DLC1: variants seen among roughly 807,000 people sequenced by gnomAD.
The protein encoded by DLC1 is rho GTPase-activating protein 7.
Under a neutral mutation model 140.3 loss-of-function variants are expected in DLC1, and 54 were observed. That is an observed-to-expected ratio of 0.38 (90% CI 0.31 to 0.48). The LOEUF (loss-of-function observed/expected upper bound fraction) is 0.48, where lower values mean the gene tolerates loss of function less well. Ranked by LOEUF, DLC1 falls within the 20% of genes least tolerant of loss-of-function variation. The pLI is 0.96. For missense variants in DLC1, 2,536 were observed against 1,907.0 expected (o/e 1.33, Z -6.14); for synonymous variants, 986 against 728.1 (o/e 1.35, Z -5.70).
intron 4 of DLC1, among the ~76,000 whole-genome samples, chr8:13,319,031 G>C (rs1832978060): frequency 6.6e-6 from 1 of 152,186 alleles, no homozygotes; most frequent in Non-Finnish European, 1.5e-5. Flanking sequence ...ACTTAAAATA[G>C]AGCTGGCTTT....
chr8:13,499,841 T>C lies in DLC1; in HGVS notation c.231A>G (p.Pro77=), dbSNP rs745681093. The change falls in exon 2 of 18, where the codon CCA becomes CCG. Residue 77 remains proline, a synonymous_variant. Coordinates refer to ENST00000276297, the MANE Select transcript of DLC1 (RefSeq NM_182643.3). ...GSELRDFPGR[P]MGHLSKDVDE... ...CCACATCCTTTGAAAGATGACCCAT[T>C]GGCCTCCCAGGAAAATCTCTCAGCT... The C allele has an allele frequency of 7.4e-6, 12 of 1,613,986 alleles. No homozygotes were observed. Among genetic ancestry groups the C allele is most frequent in the Non-Finnish European group, 2.5e-6 (3 of 1,180,018 alleles).
chr8:13,375,046 G>C (rs1250397987), intron 4 of DLC1, among the ~76,000 whole-genome samples: 2 of 58,952 alleles, frequency 3.4e-5, no homozygotes, highest in African/African-American at 7.2e-5. Context: ...TTTTTTTTTT[G>C]AGACGGAGTC....
intron 1 of DLC1, among the ~76,000 whole-genome samples, chr8:13,595,838 C>T (rs958800032): frequency 2.6e-5 from 4 of 151,952 alleles, no homozygotes; most frequent in African/African-American, 9.7e-5. Context: ...CAAATGTTAT[C>T]AACCTAAATA....
chr8:13,551,984 TATATATATGTGTGTGTGTGC>T, intron 1 of DLC1, among the ~76,000 whole-genome samples: 1 of 146,134 alleles, frequency 6.8e-6, no homozygotes, highest in South Asian at 2.1e-4. Flanking sequence ...TGTGTGTGTG[TATATATATGTGTGTGTGTGC>T]ATATATATGT....
intron 5 of DLC1, among the ~76,000 whole-genome samples, chr8:13,160,784 G>C (rs982294451): frequency 6.6e-6 from 1 of 152,152 alleles, no homozygotes; most frequent in African/African-American, 2.4e-5. Flanking sequence ...GTGGGGATCA[G>C]GATAGATTTA....
intron 2 of DLC1, among the ~76,000 whole-genome samples, chr8:13,423,943 T>A (rs1374844028): frequency 6.6e-6 from 1 of 152,234 alleles, no homozygotes; most frequent in Non-Finnish European, 1.5e-5. Context: ...GATCTCATTA[T>A]TTTTAAGATT....
chr8:13,489,674 T>A (rs746827463), intron 2 of DLC1, among the ~76,000 whole-genome samples: 5 of 152,180 alleles, frequency 3.3e-5, no homozygotes, highest in African/African-American at 1.2e-4. Flanking sequence ...CCAGGCAGTT[T>A]GGCTTCAGAG....
At chr8:13,214,340 C>A (rs1182541422) in intron 5 of DLC1, 5 of 306,252 alleles carry the variant, frequency 1.6e-5, no homozygotes, top group African/African-American at 4.3e-5. Flanking sequence ...TTCCCGGGTT[C>A]TTTAGGAAAG....
chr8:13,546,121 G>A (rs538658631), intron 1 of DLC1, among the ~76,000 whole-genome samples: 1 of 151,978 alleles, frequency 6.6e-6, no homozygotes, highest in Non-Finnish European at 1.5e-5. Flanking sequence ...TCTTGTAAGG[G>A]ATATGCTATT....
chr8:13,127,072 A>T (rs550408843), intron 5 of DLC1, among the ~76,000 whole-genome samples: 1 of 152,356 alleles, frequency 6.6e-6, no homozygotes, highest in Admixed American at 6.5e-5. Context: ...AACACTATTC[A>T]ACTAGACGTT....
intron 1 of DLC1, among the ~76,000 whole-genome samples, chr8:13,550,859 C>A (rs1803820733): frequency 6.6e-6 from 1 of 151,836 alleles, no homozygotes; most frequent in African/African-American, 2.4e-5. Flanking sequence ...GAACAGTAGC[C>A]CTTAATGGTG....
intron 5 of DLC1, among the ~76,000 whole-genome samples, chr8:13,155,645 G>T (rs983580588): frequency 6.6e-6 from 1 of 151,990 alleles, no homozygotes; most frequent in Admixed American, 6.5e-5. Flanking sequence ...ATATTAAGTT[G>T]CAATTTGAGG....
At chr8:13,455,207 G>A (rs1799328615) in intron 2 of DLC1, among the ~76,000 whole-genome samples, 1 of 152,048 alleles carries the variant, frequency 6.6e-6, no homozygotes. Flanking sequence ...TTTGATAAAG[G>A]GAAAAAGGTA....
chr8:13,601,153 TACTC>T (rs1805869228), intron 1 of DLC1, among the ~76,000 whole-genome samples: 1 of 151,762 alleles, frequency 6.6e-6, no homozygotes, highest in Non-Finnish European at 1.5e-5. Context: ...TCTAACATAA[TACTC>T]AGTCTGCGGT....
In DLC1 at chr8:13,313,985, A is replaced by C. The variant is rs113131719; in HGVS notation, c.1315-8683T>G. On this transcript the variant is annotated intron_variant, in intron 4 of 17. Coordinates refer to ENST00000276297, the MANE Select transcript of DLC1 (RefSeq NM_182643.3). ...CAGAGGAGCAGACTCCCATTTCTGT[A>C]CGTCTTGGAGCAGCAGGACCTGAGG... Among the ~76,000 whole-genome samples, 1,286 of 152,142 alleles carry C rather than the reference A, an allele frequency of 8.5e-3. 23 individuals are homozygous for C. Among genetic ancestry groups the C allele is most frequent in the African/African-American group, 0.03 (1,242 of 41,524 alleles).
At chr8:13,403,111 G>A (rs1355512854) in intron 2 of DLC1, among the ~76,000 whole-genome samples, 4 of 152,184 alleles carry the variant, frequency 2.6e-5, no homozygotes, top group East Asian at 1.9e-4. Flanking sequence ...TTGAGAATAC[G>A]TTAAGAATTT....
chr8:13,216,979 T>A lies in DLC1; in HGVS notation c.1348+88290A>T, dbSNP rs111406055. Among the ~76,000 whole-genome samples the A allele has an allele frequency of 4.0e-3, 607 of 152,284 alleles. 3 individuals are homozygous for A. The highest frequency in any genetic ancestry group is 7.1e-3 in the Non-Finnish European group (482 of 68,034). On this transcript the variant is annotated intron_variant, in intron 5 of 17. Coordinates refer to ENST00000276297, the MANE Select transcript of DLC1 (RefSeq NM_182643.3). ...TGTGGGCAGCATGTTTGTCTTTTGC[T>A]TGTGTCCTTGAAGGTGTTCTGTGCA...
intron 5 of DLC1, among the ~76,000 whole-genome samples, chr8:13,144,298 C>T (rs114073786): frequency 2.6e-4 from 40 of 152,312 alleles, no homozygotes; most frequent in African/African-American, 7.7e-4. Context: ...AGTGCCCCTG[C>T]AGGATCTTAG....
intron 5 of DLC1, among the ~76,000 whole-genome samples, chr8:13,120,113 A>C (rs1490595863): frequency 6.6e-6 from 1 of 151,230 alleles, no homozygotes; most frequent in African/African-American, 2.4e-5. Flanking sequence ...GAGGCCAAGG[A>C]AGGCAGATCA....
Sources: gnomAD v4.1 joint callset for allele counts (sites outside exome capture counted in the v4.1 genomes callset) on GRCh38, gnomAD v4.1.1 for gene constraint, MANE v1.5 for transcripts, NCBI Gene and HGNC (gene_info 2026-07-23, HGNC 2026-07-21) for gene names.